Variants in GKAP1 observed in about 807,000 individuals in gnomAD.
The protein encoded by GKAP1 is G kinase-anchoring protein 1.
GKAP1 carries 31 observed loss-of-function variants against 56.7 expected under a neutral mutation model. The observed-to-expected ratio is 0.55, with a 90% CI of 0.41 to 0.74. The LOEUF is 0.74. Ranked by LOEUF, GKAP1 falls within the 30% of genes least tolerant of loss-of-function variation. GKAP1 has a pLI of 0.00. For missense variants in GKAP1, 364 were observed against 402.3 expected, an observed-to-expected ratio of 0.90 and a Z score of 0.82; for synonymous variants, 151 against 138.6, an observed-to-expected ratio of 1.09 and a Z score of -0.63.
intron 3 of GKAP1, among the ~76,000 whole-genome samples, chr9:83,799,623 A>AT (rs897113977): frequency 2.6e-5 from 4 of 152,214 alleles, no homozygotes; most frequent in African/African-American, 4.8e-5. Context: ...AAAGAAGTTT[A>AT]TAGGAGTAGA....
rs966258931 is a variant in GKAP1, at chr9:83,799,411, T to G, written c.217-83A>C. ...ATTTTTTTAATTAAAAAAAAACCAA[T>G]GATATTTTTATACTTCTACTGAAAC... On this transcript the variant is annotated intron_variant, in intron 3 of 12. Coordinates refer to ENST00000376371, the MANE Select transcript of GKAP1 (RefSeq NM_025211.4). 1.3e-5 allele frequency: 13 copies of G among 1,028,892 alleles called. No homozygotes were observed. In the Admixed American group the frequency reaches 1.4e-4, roughly 11 times the overall value. 63.7% of individuals were successfully genotyped at this position (1,028,892 alleles called of 1,614,324 possible). A position where few individuals can be genotyped will look rare whatever the true frequency, so the allele number is the denominator to read the frequency against.
chr9:83,788,116 A>G (rs1245825094), intron 5 of GKAP1, among the ~76,000 whole-genome samples: 3 of 152,044 alleles, frequency 2.0e-5, no homozygotes, highest in Non-Finnish European at 2.9e-5. Context: ...CATCTCTACT[A>G]AAAAAACAAA....
intron 6 of GKAP1, among the ~76,000 whole-genome samples, chr9:83,781,514 T>C (rs1943971494): frequency 6.6e-6 from 1 of 152,224 alleles, no homozygotes. Context: ...TAAAAGCTGG[T>C]CCAGTTCTCT....
chr9:83,741,330 C>CAT (rs1004520525), intron 12 of GKAP1, among the ~76,000 whole-genome samples: 6 of 148,112 alleles, frequency 4.1e-5, no homozygotes, highest in South Asian at 2.1e-4. Context: ...TTTAGAAACA[C>CAT]ATATATATAC....
intron 4 of GKAP1, among the ~76,000 whole-genome samples, chr9:83,797,912 A>G (rs1435938356): frequency 2.0e-5 from 3 of 152,244 alleles, no homozygotes; most frequent in East Asian, 1.9e-4. Flanking sequence ...CAAAACATTT[A>G]TATTTGTAAA....
At chr9:83,755,795 G>A (rs1352766472) in intron 8 of GKAP1, among the ~76,000 whole-genome samples, 1 of 149,882 alleles carries the variant, frequency 6.7e-6, no homozygotes, top group Non-Finnish European at 1.5e-5. Flanking sequence ...TTATCAAACT[G>A]GTACTTTTTT....
intron 9 of GKAP1, among the ~76,000 whole-genome samples, chr9:83,751,115 TGTGA>T (rs1943382144): frequency 6.6e-6 from 1 of 152,056 alleles, no homozygotes; most frequent in Non-Finnish European, 1.5e-5. Flanking sequence ...AATTAACAGG[TGTGA>T]GCCACCATGC....
chr9:83,763,023 A>C (rs895503052), intron 8 of GKAP1, among the ~76,000 whole-genome samples: 9 of 152,234 alleles, frequency 5.9e-5, no homozygotes, highest in African/African-American at 2.2e-4. Flanking sequence ...AACAGCCAAG[A>C]TTTGGAAGCA....
At position 83,813,724 on chromosome 9, in the gene GKAP1, C is replaced by T. The variant is rs138223543; in HGVS notation, c.-44+3272G>A. Among the ~76,000 whole-genome samples, 731 of 152,318 alleles carry T rather than the reference C, an allele frequency of 4.8e-3. 5 individuals carry two copies. The highest frequency in any genetic ancestry group is 7.4e-3 in the Non-Finnish European group (500 of 68,020). On this transcript the variant is annotated intron_variant, in intron 2 of 12. Coordinates refer to ENST00000376371, the MANE Select transcript of GKAP1 (RefSeq NM_025211.4). ...TAAACACACATTCTCAATATGCAGG[C>T]AGTTCACCATAAATAAATATATCTT...
chr9:83,816,031 C>CAAAAAAAAAA (rs72114457), intron 2 of GKAP1, among the ~76,000 whole-genome samples: 1 of 91,438 alleles, frequency 1.1e-5, no homozygotes, highest in African/African-American at 3.9e-5. Flanking sequence ...ATTAAAAATA[C>CAAAAAAAAAA]AAAAAAAAAA....
chr9:83,785,455 A>T (rs2131294638), intron 5 of GKAP1, among the ~76,000 whole-genome samples: 1 of 152,304 alleles, frequency 6.6e-6, no homozygotes, highest in South Asian at 2.1e-4. Context: ...AATGTTCAAT[A>T]AGCATCTCCA....
At chr9:83,795,565 G>C (rs1179894656) in intron 4 of GKAP1, among the ~76,000 whole-genome samples, 1 of 140,098 alleles carries the variant, frequency 7.1e-6, no homozygotes, top group Non-Finnish European at 1.5e-5. Flanking sequence ...TACTCTCTCA[G>C]TTATGGTTAT....
At chr9:83,802,319 A>G (rs1224065113) in intron 3 of GKAP1, among the ~76,000 whole-genome samples, 1 of 151,942 alleles carries the variant, frequency 6.6e-6, no homozygotes, top group Admixed American at 6.5e-5. Flanking sequence ...TCTCTACTAA[A>G]AATATAAAAA....
At chr9:83,804,270 G>A (rs1229003802) in intron 3 of GKAP1, among the ~76,000 whole-genome samples, 18 of 143,274 alleles carry the variant, frequency 1.3e-4, no homozygotes, top group Admixed American at 1.4e-4. Context: ...CCCCCCGCCC[G>A]GCCAGCCGCC....
chr9:83,789,488 C>A lies in GKAP1; in HGVS notation c.361-810G>T, dbSNP rs139122329. On this transcript the variant is annotated intron_variant, in intron 4 of 12. Transcript: ENST00000376371. ...TGGGTAAACATCCTGGATTTGTGTA[C>A]ATGTATGTGTCTATGTGTACAGGAT... is the stretch of plus-strand genomic sequence containing the variant. 2.5e-3 allele frequency among the ~76,000 whole-genome samples: 387 copies of A among 152,294 alleles called. 2 individuals carry two copies. The highest frequency in any genetic ancestry group is 9.1e-3 in the African/African-American group (377 of 41,558).
intron 10 of GKAP1, among the ~76,000 whole-genome samples, chr9:83,744,350 A>G (rs550836255): frequency 1.3e-5 from 2 of 152,242 alleles, no homozygotes; most frequent in African/African-American, 4.8e-5. Context: ...AGAAAACCAC[A>G]CCCACATGTA....
At chr9:83,768,991 T>A in intron 7 of GKAP1, 21 bp from the exon 8 acceptor site, 6 of 1,595,970 alleles carry the variant, frequency 3.8e-6, no homozygotes, top group Non-Finnish European at 5.1e-6. Flanking sequence ...TGAATTACGA[T>A]TTACTATCAT....
chr9:83,804,422 A>G (rs1944395765), intron 3 of GKAP1, among the ~76,000 whole-genome samples: 1 of 128,836 alleles, frequency 7.8e-6, no homozygotes, highest in Non-Finnish European at 1.7e-5. Flanking sequence ...CCGCCCGGCC[A>G]GCCACCCCGT....
At chr9:83,813,725 A>G (rs1265205994) in intron 2 of GKAP1, among the ~76,000 whole-genome samples, 1 of 152,390 alleles carries the variant, frequency 6.6e-6, no homozygotes, top group South Asian at 2.1e-4. Context: ...ATATGCAGGC[A>G]GTTCACCATA....
Sources: allele counts gnomAD v4.1 joint callset (sites outside exome capture counted in the v4.1 genomes callset), GRCh38; gene constraint gnomAD v4.1.1; transcripts MANE v1.5; gene names NCBI Gene and HGNC (gene_info 2026-07-23, HGNC 2026-07-21).